Variants in SPG11 observed in about 807,000 individuals in gnomAD.
SPG11 encodes SPG11 vesicle trafficking associated, spatacsin, also known as spatacsin.
SPG11 carries 222 observed loss-of-function variants against 274.0 expected under a neutral mutation model. That is an observed-to-expected ratio of 0.81 (90% CI 0.73 to 0.91). The LOEUF (loss-of-function observed/expected upper bound fraction) is 0.91. SPG11 is among the 40% of genes least tolerant of loss of function. The pLI is 0.00. For synonymous variants in SPG11, 1,144 were observed against 1,039.7 expected, an observed-to-expected ratio of 1.10 and a Z score of -1.93; for missense variants, 3,114 against 2,872.7, an observed-to-expected ratio of 1.08 and a Z score of -1.92.
chr15:44,563,778 C>A (rs1314423526), intron 39 of SPG11, among the ~76,000 whole-genome samples: 1 of 151,888 alleles, frequency 6.6e-6, no homozygotes, highest in East Asian at 1.9e-4. Flanking sequence ...AAGTGTGCAC[C>A]ACTGTGCCCA....
At chr15:44,658,110 A>G (rs2084992527) in intron 3 of SPG11, among the ~76,000 whole-genome samples, 1 of 152,258 alleles carries the variant, frequency 6.6e-6, no homozygotes, top group South Asian at 2.1e-4. Flanking sequence ...TAATAGCCAC[A>G]TACGCTTAGT....
Position 44,596,791 on chromosome 15 carries a change from G to A in SPG11, c.4154C>T (p.Pro1385Leu). 6.2e-7 allele frequency: 1 copy of A among 1,613,826 alleles called. No individual in the cohort carries two copies. The highest frequency in any genetic ancestry group is 8.5e-7 in the Non-Finnish European group (1 of 1,179,952). ...IIHSQLHNYH[P>L]AEVKSLIQYF... ...TAACAATTAGTGGCTTACCTCTGCT[G>A]GGTGGTAGTTGTGGAGTTGGCTGTG... The change falls in exon 24 of 40, where the codon CCA becomes CTA. Residue 1385 changes from proline (P) to leucine (L), a missense_variant. By Grantham distance (98) the Pro-to-Leu change is moderately conservative. Transcript: ENST00000261866.
intron 7 of SPG11, among the ~76,000 whole-genome samples, chr15:44,643,379 A>G (rs1282126060): frequency 6.6e-6 from 1 of 152,208 alleles, no homozygotes; most frequent in East Asian, 1.9e-4. Flanking sequence ...TCTGGATGGT[A>G]GATTTACAGA....
chr15:44,659,712 T>C (rs1371298277), intron 2 of SPG11, among the ~76,000 whole-genome samples: 1 of 152,244 alleles, frequency 6.6e-6, no homozygotes, highest in Non-Finnish European at 1.5e-5. Context: ...TCAACAGCTC[T>C]ATAAGCAGTC....
Position 44,589,434 on chromosome 15 carries a change from G to A in SPG11, c.4744-20C>T, listed in dbSNP as rs2082847885. On this transcript the variant is annotated intron_variant, in intron 27 of 39. Transcript: ENST00000261866. ...GTTAAGCTATGAAAGAAAAAGAGAA[G>A]CTTAGGGAAAGCAGTTTCATGAGAA... 3 of 1,613,826 alleles carry A rather than the reference G, an allele frequency of 1.9e-6. No individual in the cohort carries two copies. Among genetic ancestry groups the A allele is most frequent in the Admixed American group, 1.7e-5 (1 of 59,998 alleles).
chr15:44,611,021 G>A (rs1225768157), intron 17 of SPG11, 36 bp from the exon 18 acceptor site: 2 of 1,516,098 alleles, frequency 1.3e-6, no homozygotes, highest in East Asian at 2.8e-5. Flanking sequence ...CTCCTTAAGA[G>A]GGATAAATAC....
chr15:44,604,198 CT>C, intron 20 of SPG11: 2 of 398,560 alleles, frequency 5.0e-6, no homozygotes, highest in Non-Finnish European at 9.8e-6. Flanking sequence ...GACCTGATTC[CT>C]AAAAAAAAAA....
chr15:44,644,356 T>C (rs2084545363), intron 7 of SPG11, among the ~76,000 whole-genome samples: 1 of 152,072 alleles, frequency 6.6e-6, no homozygotes. Flanking sequence ...GCTCCTCAAG[T>C]AGTACTCCCT....
chr15:44,573,941 AAAAG>A, intron 31 of SPG11, 196 bp from the exon 32 acceptor site: 2 of 613,630 alleles, frequency 3.3e-6, no homozygotes, highest in Non-Finnish European at 5.8e-6. Flanking sequence ...AAATCCAGGT[AAAAG>A]AAAGGCTTGT....
chr15:44,564,464 T>C, intron 39 of SPG11, 83 bp downstream of exon 39: 1 of 1,378,150 alleles, frequency 7.3e-7, no homozygotes, highest in East Asian at 2.3e-5. Flanking sequence ...AGGCATGGTG[T>C]ACTTAGCCAT....
chr15:44,623,956 T>C (rs553713939), intron 11 of SPG11, among the ~76,000 whole-genome samples: 13 of 152,130 alleles, frequency 8.5e-5, no homozygotes, highest in Admixed American at 2.0e-4. Flanking sequence ...AGACAGCATT[T>C]ACCACGTTGG....
intron 2 of SPG11, among the ~76,000 whole-genome samples, chr15:44,659,904 T>A (rs1027352339): frequency 5.3e-5 from 8 of 152,038 alleles, no homozygotes; most frequent in Non-Finnish European, 1.2e-4. Context: ...CTACTAAAAA[T>A]ATAAAAGTTA....
intron 29 of SPG11, among the ~76,000 whole-genome samples, chr15:44,585,329 C>CCTGTA (rs2082733899): frequency 6.6e-6 from 1 of 151,556 alleles, no homozygotes; most frequent in South Asian, 2.1e-4. Flanking sequence ...GTGGCTCACG[C>CCTGTA]CTGTAATCCC....
At chr15:44,577,520 C>A (rs78673472) in intron 30 of SPG11, among the ~76,000 whole-genome samples, 152 of 128,786 alleles carry the variant, frequency 1.2e-3, no homozygotes, top group East Asian at 2.6e-3. Flanking sequence ...AAAAAAAAAA[C>A]AAAACAAAAA....
chr15:44,596,953 G>A lies in SPG11; in HGVS notation c.4002-10C>T. ...AGATTCACTGGATAACCTATAATCA[G>A]AATTAGAGGTGGGGGTGGTCAAGAA... is the stretch of plus-strand genomic sequence containing the variant. On this transcript the variant is annotated splice_polypyrimidine_tract_variant and intron_variant, in intron 23 of 39. Coordinates refer to ENST00000261866, the MANE Select transcript of SPG11 (RefSeq NM_025137.4). 1 of 1,613,698 alleles carries A rather than the reference G, an allele frequency of 6.2e-7. No individual in the cohort carries two copies. Among genetic ancestry groups the A allele is most frequent in the Non-Finnish European group, 8.5e-7 (1 of 1,179,920 alleles).
chr15:44,603,873 T>C (rs749848228), intron 20 of SPG11, among the ~76,000 whole-genome samples: 1 of 152,222 alleles, frequency 6.6e-6, no homozygotes, highest in Non-Finnish European at 1.5e-5. Flanking sequence ...AATTGTTCTA[T>C]TGTTTTTCTT....
rs780006264 is a variant in SPG11 at position 44,565,957 on chromosome 15, G to A, written c.6896C>T (p.Thr2299Ile). Residue 2299 changes from threonine (T) to isoleucine (I), a missense_variant, in exon 38 of 40, where the codon ACT becomes ATT. Coordinates refer to ENST00000261866, the MANE Select transcript of SPG11 (RefSeq NM_025137.4). ...QHCQRLTKLI[T>I]LQIHFLNTGQ... ...AGTGTTCAGAAAGTGAATCTGCAGA[G>A]TTATCAACTTGGTGAGCCGCTGACA... The A allele has an allele frequency of 9.9e-6, 16 of 1,613,942 alleles. No individual in the cohort carries two copies. The highest frequency in any genetic ancestry group is 1.3e-5 in the Non-Finnish European group (15 of 1,180,044).
rs375980171 is a variant in SPG11 at position 44,567,257 on chromosome 15, G to A, written c.6754+167C>T. 1,732 of 632,632 alleles carry A rather than the reference G, an allele frequency of 2.7e-3. 11 individuals are homozygous for A. Among genetic ancestry groups the A allele is most frequent in the Middle Eastern group, 0.016 (37 of 2,274 alleles). 39.2% of individuals were successfully genotyped at this position (632,632 alleles called of 1,614,324 possible). On this transcript the variant is annotated intron_variant, in intron 36 of 39. Coordinates refer to ENST00000261866, the MANE Select transcript of SPG11 (RefSeq NM_025137.4). ...TCCCAGCTACTTGGGAGGCTGAGGCGGGAGAATCACTTGAACCTGGGAGGC... is the reference window on the plus strand; with the variant it reads ...TCCCAGCTACTTGGGAGGCTGAGGCAGGAGAATCACTTGAACCTGGGAGGC...
intron 30 of SPG11, among the ~76,000 whole-genome samples, chr15:44,583,142 T>C (rs1010821197): frequency 5.9e-5 from 9 of 152,198 alleles, no homozygotes; most frequent in African/African-American, 2.2e-4. Flanking sequence ...AGAAATCTCC[T>C]AGAATAAGCA....
Sources: gnomAD v4.1 joint callset for allele counts (sites outside exome capture counted in the v4.1 genomes callset) on GRCh38, gnomAD v4.1.1 for gene constraint, MANE v1.5 for transcripts, NCBI Gene and HGNC (gene_info 2026-07-23, HGNC 2026-07-21) for gene names.